The following GNA14 variants were observed in gnomAD, a reference collection of about 807,000 sequenced individuals.
GNA14 encodes the protein guanine nucleotide-binding protein subunit alpha-14.
In GNA14, 50 loss-of-function variants were observed where a neutral mutation model predicts 42.0. That is an observed-to-expected ratio of 1.19 (90% CI 0.95 to 1.51). The LOEUF (loss-of-function observed/expected upper bound fraction) is 1.51, where lower values mean the gene tolerates loss of function less well. GNA14 is among the 40% of genes most tolerant of loss of function. The probability of loss-of-function intolerance (pLI) is 0.00; values close to 1 mark genes in which losing one functional copy is unlikely to be tolerated. For synonymous variants in GNA14, 173 were observed against 163.1 expected (o/e 1.06, Z -0.46); for missense variants, 473 against 446.2 (o/e 1.06, Z -0.54).
rs117346074 is a variant in GNA14, at chr9:77,579,714, C to T, written c.125-50461G>A. ...CAAGATGCAAAAATGGGATCGATTT[C>T]GTTTCCCTTAGGTCTGCTGACTCAT... is the stretch of plus-strand genomic sequence containing the variant. On this transcript the variant is annotated intron_variant, in intron 1 of 6. Transcript: ENST00000341700. 3.9e-4 allele frequency among the ~76,000 whole-genome samples: 59 copies of T among 152,236 alleles called. No individual in the cohort carries two copies. In the East Asian group the frequency reaches 9.1e-3, roughly 23 times the overall value.
At chr9:77,572,345 T>G (rs1283616813) in intron 1 of GNA14, among the ~76,000 whole-genome samples, 2 of 152,150 alleles carry the variant, frequency 1.3e-5, no homozygotes, top group Non-Finnish European at 2.9e-5. Context: ...ATCCAAAAAC[T>G]TATCCAGACA....
intron 1 of GNA14, among the ~76,000 whole-genome samples, chr9:77,638,570 G>C (rs544073575): frequency 6.6e-6 from 1 of 152,190 alleles, no homozygotes; most frequent in Non-Finnish European, 1.5e-5. Context: ...AACAAATGTT[G>C]TGTTTGAAAA....
At chr9:77,620,664 T>A (rs1823905590) in intron 1 of GNA14, among the ~76,000 whole-genome samples, 1 of 152,006 alleles carries the variant, frequency 6.6e-6, no homozygotes, top group South Asian at 2.1e-4. Context: ...CTGGCCAGCA[T>A]GGCGAAACCC....
At chr9:77,607,857 A>C (rs1823663898) in intron 1 of GNA14, among the ~76,000 whole-genome samples, 1 of 152,136 alleles carries the variant, frequency 6.6e-6, no homozygotes, top group African/African-American at 2.4e-5. Flanking sequence ...TAAGGGTGCT[A>C]ATCTCATTGG....
At chr9:77,506,659 G>C in intron 2 of GNA14, among the ~76,000 whole-genome samples, 1 of 151,898 alleles carries the variant, frequency 6.6e-6, no homozygotes, top group Non-Finnish European at 1.5e-5. Flanking sequence ...CCTGTCAACA[G>C]AGCGAGACTC....
intron 1 of GNA14, among the ~76,000 whole-genome samples, chr9:77,619,698 A>G (rs1402779322): frequency 1.3e-5 from 2 of 152,222 alleles, no homozygotes; most frequent in African/African-American, 4.8e-5. Context: ...TGATAGATAT[A>G]AAACCCTCAG....
intron 1 of GNA14, among the ~76,000 whole-genome samples, chr9:77,628,491 T>C (rs878894127): frequency 6.6e-6 from 1 of 152,120 alleles, no homozygotes; most frequent in African/African-American, 2.4e-5. Flanking sequence ...CAAACTATAC[T>C]ACAAGGCTAC....
At chr9:77,539,349 A>G (rs776016340) in intron 1 of GNA14, among the ~76,000 whole-genome samples, 1 of 152,216 alleles carries the variant, frequency 6.6e-6, no homozygotes, top group Non-Finnish European at 1.5e-5. Context: ...TATCCCTGGT[A>G]TAAATTCTAG....
At chr9:77,599,707 T>C (rs1823523175) in intron 1 of GNA14, among the ~76,000 whole-genome samples, 1 of 152,186 alleles carries the variant, frequency 6.6e-6, no homozygotes, top group Non-Finnish European at 1.5e-5. Flanking sequence ...GAGGGTGTGC[T>C]GGGCAGCGCG....
intron 1 of GNA14, among the ~76,000 whole-genome samples, chr9:77,568,290 G>C (rs1305594655): frequency 6.6e-6 from 1 of 151,950 alleles, no homozygotes; most frequent in Non-Finnish European, 1.5e-5. Flanking sequence ...AAATTTGGGG[G>C]CTCAGATATT....
At chr9:77,427,499 G>A (rs1204135648) in intron 5 of GNA14, among the ~76,000 whole-genome samples, 1 of 145,048 alleles carries the variant, frequency 6.9e-6, no homozygotes, top group Non-Finnish European at 1.5e-5. Context: ...TTCAGTTATT[G>A]CCTAATCCTG....
rs188364480 is a variant in GNA14, at chr9:77,562,601, G to A, written c.125-33348C>T. ...TTGAAAATGGGTCTATTCATACGTG[G>A]TAAAAGTCCCATGGGCTGGAAAGCA... On this transcript the variant is annotated intron_variant, in intron 1 of 6. Transcript: ENST00000341700. Among the ~76,000 whole-genome samples the A allele has an allele frequency of 1.9e-3, 288 of 152,218 alleles. 5 individuals are homozygous for A. The highest frequency in any genetic ancestry group is 2.1e-3 in the South Asian group (10 of 4,816).
At chr9:77,464,313 G>A (rs556258719) in intron 2 of GNA14, among the ~76,000 whole-genome samples, 2 of 151,372 alleles carry the variant, frequency 1.3e-5, no homozygotes, top group Admixed American at 6.6e-5. Context: ...GTGTGTATGT[G>A]AGAGTGTGTG....
At chr9:77,605,941 AT>A (rs1823639347) in intron 1 of GNA14, among the ~76,000 whole-genome samples, 1 of 152,206 alleles carries the variant, frequency 6.6e-6, no homozygotes, top group African/African-American at 2.4e-5. Flanking sequence ...GAGACTATCC[AT>A]TGGCAGAGGG....
chr9:77,570,152 C>T (rs1411137130), intron 1 of GNA14, among the ~76,000 whole-genome samples: 1 of 152,110 alleles, frequency 6.6e-6, no homozygotes, highest in Non-Finnish European at 1.5e-5. Context: ...AGGAAGTTAA[C>T]TTTAAACTAA....
At chr9:77,494,924 C>T (rs1377677848) in intron 2 of GNA14, among the ~76,000 whole-genome samples, 3 of 152,088 alleles carry the variant, frequency 2.0e-5, no homozygotes, top group Non-Finnish European at 4.4e-5. Context: ...CTCAGCCTCC[C>T]GAGTAACTGA....
chr9:77,608,881 G>A (rs72732791), intron 1 of GNA14, among the ~76,000 whole-genome samples: 99 of 151,930 alleles, frequency 6.5e-4, no homozygotes, highest in Middle Eastern at 3.4e-3. Context: ...ATTTCTCTTG[G>A]TATAATCCCA....
intron 2 of GNA14, among the ~76,000 whole-genome samples, chr9:77,443,349 G>C (rs1025515745): frequency 1.6e-4 from 24 of 151,978 alleles, no homozygotes; most frequent in African/African-American, 5.6e-4. Context: ...AGCTTCTTTT[G>C]ATCAATTTTC....
At chr9:77,600,379 G>T (rs1823538437) in intron 1 of GNA14, among the ~76,000 whole-genome samples, 1 of 152,040 alleles carries the variant, frequency 6.6e-6, no homozygotes, top group South Asian at 2.1e-4. Context: ...ATTTTTTCTT[G>T]TGAAACTGTG....
Sources: gnomAD v4.1 joint callset for allele counts (sites outside exome capture counted in the v4.1 genomes callset) on GRCh38, gnomAD v4.1.1 for gene constraint, MANE v1.5 for transcripts, NCBI Gene and HGNC (gene_info 2026-07-23, HGNC 2026-07-21) for gene names.